The following RPL35 variants were observed in gnomAD, a reference collection of about 807,000 sequenced individuals.
RPL35 encodes the protein ribosomal protein L35.
RPL35 carries 2 observed loss-of-function variants against 15.6 expected under a neutral mutation model. The ratio of observed to expected loss-of-function variants is 0.13; its 90% CI spans 0.05 to 0.40. RPL35 has a LOEUF of 0.40. Among genes scored for constraint, RPL35 ranks in the 10% least tolerant of loss-of-function variants. The pLI is 0.99. For synonymous variants in RPL35, 93 were observed against 67.9 expected (o/e 1.37, Z -1.82); for missense variants, 111 against 164.7 (o/e 0.67, Z 1.79).
chr9:124,861,218 G>A, intron 2 of RPL35: 3 of 637,330 alleles, frequency 4.7e-6, no homozygotes, highest in East Asian at 2.9e-5. Context: ...ATGGGTCTCC[G>A]GGGATGCATT....
At chr9:124,861,270 A>T (rs913869781) in intron 2 of RPL35, 149 bp downstream of exon 2, 167 of 976,252 alleles carry the variant, frequency 1.7e-4, no homozygotes, top group Non-Finnish European at 2.3e-4. Context: ...TAAGAGGCTA[A>T]GCACACAACG....
chr9:124,859,336 A>G (rs573163474), intron 3 of RPL35, among the ~76,000 whole-genome samples: 1 of 152,360 alleles, frequency 6.6e-6, no homozygotes, highest in East Asian at 1.9e-4. Context: ...CAAATCTTCA[A>G]GTTATTCAAA....
chr9:124,861,818 G>C, intron 1 of RPL35, 92 bp downstream of exon 1: 1 of 1,519,782 alleles, frequency 6.6e-7, no homozygotes, highest in Non-Finnish European at 8.9e-7. Context: ...AGGCCTAGGT[G>C]GCAGATAGAA....
chr9:124,857,907 C>T lies in RPL35; in HGVS notation c.*11G>A, dbSNP rs749885866. ...GTCTCAGCCAGCTGTGCTTTATTGA[C>T]AATGCGCCCCTCAGGCCTTGACCGC... On this transcript the variant is annotated 3_prime_UTR_variant, in exon 4 of 4. Coordinates refer to ENST00000348462, the MANE Select transcript of RPL35 (RefSeq NM_007209.4). 2 of 1,611,670 alleles carry T rather than the reference C, an allele frequency of 1.2e-6. No individual in the cohort carries two copies. Among genetic ancestry groups the T allele is most frequent in the South Asian group, 1.1e-5 (1 of 90,984 alleles).
Position 124,860,258 on chromosome 9 carries a change from G to A in RPL35, c.147C>T (p.Val49=), listed in dbSNP as rs1223602535. 8 of 1,613,458 alleles carry A rather than the reference G, an allele frequency of 5.0e-6. No individual in the cohort carries two copies. The highest frequency in any genetic ancestry group is 1.6e-4 in the Middle Eastern group (1 of 6,084). ...GAACACGGGCAATGGATTTCCGGAC[G>A]ACTCGGCTACAAAACAGAGATGTCA... is the stretch of plus-strand genomic sequence containing the variant. ...GAASKLSKIR[V]VRKSIARVLT... Residue 49 remains valine, a synonymous_variant, in exon 3 of 4, where the codon GTC becomes GTT. Transcript: ENST00000348462.
chr9:124,861,866 G>T (rs372601699), intron 1 of RPL35, 44 bp downstream of exon 1: 1 of 1,599,894 alleles, frequency 6.3e-7, no homozygotes, highest in African/African-American at 1.3e-5. Context: ...CCCAACCCCC[G>T]CGCCTCACAG....
At position 124,858,004 on chromosome 9, in the gene RPL35, T is replaced by C. The variant is rs772758686; in HGVS notation, c.286A>G (p.Asn96Asp). Residue 96 changes from asparagine to aspartate, a missense_variant, in exon 4 of 4, where the codon AAC becomes GAC. By Grantham distance (23) the Asn-to-Asp change is conservative. Transcript: ENST00000348462. ...GTCTTCAGGTTCTCCTCGTGCTTGT[T>C]GAGCCGGCGGCGCATGGCACGTGTC... is the stretch of plus-strand genomic sequence containing the variant. ...KKTRAMRRRLNKHEENLKTKK... is the reference protein window; with the variant it reads ...KKTRAMRRRLDKHEENLKTKK... 5.6e-6 allele frequency: 9 copies of C among 1,612,208 alleles called. No individual in the cohort carries two copies. In the East Asian group the frequency reaches 1.6e-4, roughly 28 times the overall value.
In RPL35 at chr9:124,857,940, C is replaced by T. The variant is rs753607321; in HGVS notation, c.350G>A (p.Arg117Gln). Residue 117 changes from arginine (R) to glutamine (Q), a missense_variant, in exon 4 of 4, where the codon CGG (arginine) becomes CAG (glutamine). Transcript: ENST00000348462. ...CCCTCAGGCCTTGACCGCGTACTTCCGCAGCGGGTACAGCCGCTCCTTCCG... is the reference window on the plus strand; with the variant it reads ...CCCTCAGGCCTTGACCGCGTACTTCTGCAGCGGGTACAGCCGCTCCTTCCG... Reference protein sequence around the residue: ...QQRKERLYPLRKYAVKA With the variant: ...QQRKERLYPLQKYAVKA The T allele has an allele frequency of 1.7e-5, 28 of 1,612,140 alleles. No homozygotes were observed. Among genetic ancestry groups the T allele is most frequent in the African/African-American group, 1.3e-4 (10 of 74,890 alleles).
At chr9:124,860,338 G>A in intron 2 of RPL35, 74 bp from the exon 3 acceptor site, 2 of 1,205,500 alleles carry the variant, frequency 1.7e-6, no homozygotes, top group Non-Finnish European at 2.5e-6. Context: ...CACACATAGG[G>A]CAGCAATAGC....
chr9:124,858,224 C>G (rs765659148), intron 3 of RPL35, 157 bp from the exon 4 acceptor site: 81 of 681,220 alleles, frequency 1.2e-4, no homozygotes, highest in Non-Finnish European at 1.8e-4. Context: ...CAATTAATCC[C>G]CCCAAATCTA....
In RPL35 at chr9:124,858,143, G is replaced by C. The variant is rs1041791694; in HGVS notation, c.223-76C>G. On this transcript the variant is annotated intron_variant, in intron 3 of 3. Coordinates refer to ENST00000348462, the MANE Select transcript of RPL35 (RefSeq NM_007209.4). ...CTGCAGCAGCTAAGGGGGCTGGGGA[G>C]GGCCATCCAGAGCCACTCAGGAGGA... is the stretch of plus-strand genomic sequence containing the variant. 4.0e-6 allele frequency: 6 copies of C among 1,502,932 alleles called. No individual in the cohort carries two copies. In the African/African-American group the frequency reaches 8.3e-5, roughly 21 times the overall value. 93.1% of individuals were successfully genotyped at this position (1,502,932 alleles called of 1,614,324 possible).
At chr9:124,858,481 T>C (rs1829143191) in intron 3 of RPL35, 1 of 716,768 alleles carries the variant, frequency 1.4e-6, no homozygotes, top group Non-Finnish European at 2.6e-6. Flanking sequence ...AGCAAGAGCA[T>C]GCTGGGGGCT....
At chr9:124,860,383 C>G (rs1829178146) in intron 2 of RPL35, 119 bp from the exon 3 acceptor site, 1 of 836,172 alleles carries the variant, frequency 1.2e-6, no homozygotes, top group Non-Finnish European at 2.1e-6. Flanking sequence ...CATATTCACT[C>G]AGGAGGAAGG....
intron 3 of RPL35, 39 bp from the exon 4 acceptor site, chr9:124,858,106 G>T: frequency 6.3e-7 from 1 of 1,599,098 alleles, no homozygotes; most frequent in Non-Finnish European, 8.5e-7. Context: ...AGGACCCAGG[G>T]CTGAGGAGCT....
intron 1 of RPL35, 55 bp downstream of exon 1, chr9:124,861,855 C>G (rs1466734953): frequency 2.4e-5 from 39 of 1,596,830 alleles, no homozygotes; most frequent in Non-Finnish European, 3.2e-5. Flanking sequence ...GCACCGCCTT[C>G]CCCAACCCCC....
chr9:124,859,341 T>C (rs1366367441), intron 3 of RPL35, among the ~76,000 whole-genome samples: 1 of 152,252 alleles, frequency 6.6e-6, no homozygotes, highest in Non-Finnish European at 1.5e-5. Context: ...CTTCAAGTTA[T>C]TCAAACACAA....
At chr9:124,861,305 A>G in intron 2 of RPL35, 114 bp downstream of exon 2, 4 of 1,331,268 alleles carry the variant, frequency 3.0e-6, no homozygotes, top group Non-Finnish European at 3.1e-6. Context: ...GCCAGGATGC[A>G]CGGAGTGGGC....
chr9:124,859,514 G>C (rs1267881137), intron 3 of RPL35, among the ~76,000 whole-genome samples: 1 of 152,176 alleles, frequency 6.6e-6, no homozygotes, highest in Non-Finnish European at 1.5e-5. Context: ...GGGAACAGCA[G>C]CTTCAACCTG....
chr9:124,858,400 T>C (rs1366274786), intron 3 of RPL35: 1 of 673,446 alleles, frequency 1.5e-6, no homozygotes, highest in African/African-American at 1.8e-5. Context: ...GACAGTCACA[T>C]GACAACCTAG....
Sources: gnomAD v4.1 joint callset for allele counts (sites outside exome capture counted in the v4.1 genomes callset) on GRCh38, gnomAD v4.1.1 for gene constraint, MANE v1.5 for transcripts, NCBI Gene and HGNC (gene_info 2026-07-23, HGNC 2026-07-21) for gene names.